SIK2: variants seen among roughly 807,000 people sequenced by gnomAD.
The protein encoded by SIK2 is salt inducible kinase 2, also known as serine/threonine-protein kinase SIK2.
In SIK2, 29 loss-of-function variants were observed where a neutral mutation model predicts 103.2. That is an observed-to-expected ratio of 0.28 (90% confidence interval 0.21 to 0.38). SIK2 has a LOEUF of 0.38. Among genes scored for constraint, SIK2 ranks in the 10% least tolerant of loss-of-function variants. The pLI, the probability that SIK2 is intolerant of heterozygous loss-of-function variation, is 1.00. For missense variants in SIK2, 879 were observed against 1,171.0 expected, an observed-to-expected ratio of 0.75 and a Z score of 3.64; for synonymous variants, 412 against 446.1, an observed-to-expected ratio of 0.92 and a Z score of 0.96.
At chr11:111,638,785 A>G (rs1290100268) in intron 3 of SIK2, among the ~76,000 whole-genome samples, 1 of 152,118 alleles carries the variant, frequency 6.6e-6, no homozygotes, top group African/African-American at 2.4e-5. Context: ...TCCATAATCT[A>G]TAAATTCTAG....
chr11:111,656,272 T>G (rs1231458193), intron 3 of SIK2, among the ~76,000 whole-genome samples: 1 of 152,154 alleles, frequency 6.6e-6, no homozygotes, highest in Non-Finnish European at 1.5e-5. Flanking sequence ...TGGACCAAGA[T>G]AGAGTTGGCC....
chr11:111,663,854 G>A (rs913054780), intron 3 of SIK2, among the ~76,000 whole-genome samples: 1 of 152,182 alleles, frequency 6.6e-6, no homozygotes, highest in Non-Finnish European at 1.5e-5. Flanking sequence ...AAACCTTTGG[G>A]AATGGATAGA....
chr11:111,675,947 T>C (rs1942698064), intron 3 of SIK2, among the ~76,000 whole-genome samples: 1 of 152,214 alleles, frequency 6.6e-6, no homozygotes, highest in South Asian at 2.1e-4. Context: ...TCTTGCCTTC[T>C]TTGTGTCCCT....
chr11:111,671,439 T>G, intron 3 of SIK2: 1 of 243,202 alleles, frequency 4.1e-6, no homozygotes. Context: ...TCTGAGGCCC[T>G]TTGCTGATGT....
intron 3 of SIK2, among the ~76,000 whole-genome samples, chr11:111,670,362 A>C (rs1238482272): frequency 6.6e-6 from 1 of 152,256 alleles, no homozygotes; most frequent in Non-Finnish European, 1.5e-5. Flanking sequence ...TTTCTTCGTG[A>C]AACGTAAAGC....
chr11:111,633,582 A>G (rs554977298), intron 3 of SIK2, among the ~76,000 whole-genome samples: 234 of 152,290 alleles, frequency 1.5e-3, no homozygotes, highest in Non-Finnish European at 2.5e-3. Flanking sequence ...GAACGAGGAA[A>G]TACTAACTGA....
At chr11:111,615,030 T>C (rs1479425476) in intron 1 of SIK2, among the ~76,000 whole-genome samples, 1 of 151,984 alleles carries the variant, frequency 6.6e-6, no homozygotes, top group East Asian at 1.9e-4. Flanking sequence ...TCCCAGCTAC[T>C]TGGGAAGCTG....
intron 3 of SIK2, among the ~76,000 whole-genome samples, chr11:111,641,143 T>C (rs1942177707): frequency 6.6e-6 from 1 of 152,220 alleles, no homozygotes; most frequent in African/African-American, 2.4e-5. Context: ...GTGACTGTTT[T>C]CTTTTCCTAC....
chr11:111,688,173 C>T lies in SIK2; in HGVS notation c.478+11C>T, dbSNP rs912891821. 6 of 1,613,836 alleles carry T rather than the reference C, an allele frequency of 3.7e-6. No individual in the cohort carries two copies. The highest frequency in any genetic ancestry group is 5.1e-6 in the Non-Finnish European group (6 of 1,179,934). ...ATATCAAAATAGCAGGTAACTGGGA[C>T]ACAACTGGCTCTAATAAGATCCGAA... On this transcript the variant is annotated intron_variant, in intron 4 of 14. Coordinates refer to ENST00000304987, the MANE Select transcript of SIK2 (RefSeq NM_015191.3). The surrounding 1 kb of genome is among the most constrained non-coding windows in gnomAD (Gnocchi z 4.2).
At chr11:111,625,015 G>A (rs1407422348) in intron 3 of SIK2, among the ~76,000 whole-genome samples, 2 of 152,158 alleles carry the variant, frequency 1.3e-5, no homozygotes, top group Non-Finnish European at 2.9e-5. Context: ...AGGGAGGCCA[G>A]TATGGCTCAA....
chr11:111,654,642 A>G (rs1942368333), intron 3 of SIK2, among the ~76,000 whole-genome samples: 1 of 152,212 alleles, frequency 6.6e-6, no homozygotes, highest in African/African-American at 2.4e-5. Context: ...GTGTTGTTCT[A>G]CAGTTCTGAG....
intron 3 of SIK2, among the ~76,000 whole-genome samples, chr11:111,676,534 A>G (rs1942705916): frequency 6.6e-6 from 1 of 152,186 alleles, no homozygotes; most frequent in African/African-American, 2.4e-5. Context: ...ACATTTCTGA[A>G]TGAACCATCC....
chr11:111,691,783 T>C (rs901149399), intron 4 of SIK2, among the ~76,000 whole-genome samples: 2 of 152,234 alleles, frequency 1.3e-5, no homozygotes, highest in Non-Finnish European at 2.9e-5. Context: ...ATTAAGCTTC[T>C]ACTCTGCTCT....
At chr11:111,651,692 G>A (rs535033152) in intron 3 of SIK2, among the ~76,000 whole-genome samples, 2 of 152,024 alleles carry the variant, frequency 1.3e-5, no homozygotes, top group South Asian at 4.2e-4. Context: ...TTAATAATAT[G>A]CTTACACTTG....
intron 3 of SIK2, among the ~76,000 whole-genome samples, chr11:111,676,006 A>G (rs182357846): frequency 6.6e-6 from 1 of 152,192 alleles, no homozygotes; most frequent in African/African-American, 2.4e-5. Flanking sequence ...AAGTGAGAAC[A>G]TGCAGTTTTT....
intron 4 of SIK2, among the ~76,000 whole-genome samples, chr11:111,692,889 G>T (rs553160628): frequency 6.6e-6 from 1 of 151,902 alleles, no homozygotes; most frequent in African/African-American, 2.4e-5. Flanking sequence ...TAGCCATCTT[G>T]TATATTGAAA....
intron 9 of SIK2, among the ~76,000 whole-genome samples, chr11:111,716,310 C>A (rs767040701): frequency 6.6e-6 from 1 of 152,064 alleles, no homozygotes; most frequent in Non-Finnish European, 1.5e-5. Flanking sequence ...TGGCCAGGTG[C>A]GGTGGCTTAC....
intron 3 of SIK2, among the ~76,000 whole-genome samples, chr11:111,631,224 T>C (rs973752873): frequency 7.9e-5 from 12 of 152,094 alleles, no homozygotes; most frequent in Non-Finnish European, 1.5e-4. Context: ...AAGATAGAGG[T>C]ATTTCATTCT....
Position 111,688,216 on chromosome 11 carries a change from G to A in SIK2, c.478+54G>A. On this transcript the variant is annotated intron_variant, in intron 4 of 14. Transcript: ENST00000304987. The surrounding 1 kb of genome is among the most constrained non-coding windows in gnomAD (Gnocchi z 4.2). Reference sequence around the variant, plus strand: ...GATCCGAAGTGAGCCACTGCACTCAGTGTGTGGAAACAGACCTGCAGGCGC... The same window carrying A: ...GATCCGAAGTGAGCCACTGCACTCAATGTGTGGAAACAGACCTGCAGGCGC... 6.3e-7 allele frequency: 1 copy of A among 1,593,174 alleles called. No individual in the cohort carries two copies. Among genetic ancestry groups the A allele is most frequent in the Admixed American group, 1.7e-5 (1 of 59,652 alleles).
Sources: gnomAD v4.1 joint callset for allele counts (sites outside exome capture counted in the v4.1 genomes callset) on GRCh38, gnomAD v4.1.1 for gene constraint, Gnocchi (gnomAD v3.1) non-coding constraint, MANE v1.5 for transcripts, NCBI Gene and HGNC (gene_info 2026-07-23, HGNC 2026-07-21) for gene names.